The following PRKD1 variants were observed in gnomAD, a reference collection of about 807,000 sequenced individuals.
PRKD1 encodes protein kinase D1.
Under a neutral mutation model 95.9 loss-of-function variants are expected in PRKD1, and 63 were observed. The ratio of observed to expected loss-of-function variants is 0.66; its 90% CI spans 0.54 to 0.81. The LOEUF is 0.81. PRKD1 is among the 30% of genes least tolerant of loss of function. PRKD1 has a pLI of 0.00. For synonymous variants in PRKD1, 425 were observed against 423.1 expected (o/e 1.00, Z -0.05); for missense variants, 1,048 against 1,165.3 (o/e 0.90, Z 1.47).
chr14:29,638,636 A>T (rs1014512350), intron 5 of PRKD1, 58 bp downstream of exon 5: 2 of 1,612,012 alleles, frequency 1.2e-6, no homozygotes, highest in Non-Finnish European at 1.7e-6. Flanking sequence ...ACCAGAAAAT[A>T]CTTATGTCAG....
intron 2 of PRKD1, among the ~76,000 whole-genome samples, chr14:29,712,177 C>T (rs1885364153): frequency 6.6e-6 from 1 of 152,088 alleles, no homozygotes; most frequent in South Asian, 2.1e-4. Flanking sequence ...CACAGTGAAA[C>T]AAAAGGTAGT....
intron 13 of PRKD1, among the ~76,000 whole-genome samples, 183 bp from the exon 14 acceptor site, chr14:29,600,000 T>C (rs1893458256): frequency 6.6e-6 from 1 of 152,192 alleles, no homozygotes; most frequent in South Asian, 2.1e-4. Flanking sequence ...CTCCAAAAAA[T>C]ACATCTTTAC....
At chr14:29,695,061 C>T (rs903530069) in intron 2 of PRKD1, among the ~76,000 whole-genome samples, 1 of 151,872 alleles carries the variant, frequency 6.6e-6, no homozygotes, top group Non-Finnish European at 1.5e-5. Context: ...GGCAAAACCC[C>T]GTCTCTACTA....
At chr14:29,614,260 C>A (rs1878692995) in intron 13 of PRKD1, among the ~76,000 whole-genome samples, 1 of 152,138 alleles carries the variant, frequency 6.6e-6, no homozygotes, top group South Asian at 2.1e-4. Flanking sequence ...GAAATCAATT[C>A]TTTTGCAACT....
At chr14:29,716,280 C>A (rs970510972) in intron 2 of PRKD1, among the ~76,000 whole-genome samples, 2 of 152,120 alleles carry the variant, frequency 1.3e-5, no homozygotes, top group African/African-American at 4.8e-5. Flanking sequence ...TAGGCTAATT[C>A]TGTGTGAAGA....
At chr14:29,695,765 C>T (rs10150918) in intron 2 of PRKD1, among the ~76,000 whole-genome samples, 77,203 of 151,968 alleles carry the variant, frequency 0.51, 21,880 homozygotes, top group African/African-American at 0.77. Flanking sequence ...GAGTTCATCT[C>T]TAGGGAAATA....
rs757043225 is a variant in PRKD1 at position 29,634,484 on chromosome 14, C to T, written c.1248G>A (p.Thr416=). The T allele has an allele frequency of 9.9e-6, 16 of 1,613,848 alleles. No individual in the cohort carries two copies. The highest frequency in any genetic ancestry group is 5.3e-5 in the African/African-American group (4 of 74,866). The change falls in exon 8 of 18, where the codon ACG becomes ACA. Residue 416 remains threonine (T), a synonymous_variant. Transcript: ENST00000331968. Reference sequence around the variant, plus strand: ...TCATGACTGTGCTGCTTTTCCTCTTCGTGTGTTTGACAGACTGCACTACCC... The same window carrying T: ...TCATGACTGTGCTGCTTTTCCTCTTTGTGTGTTTGACAGACTGCACTACCC... ...LMRVVQSVKH[T]KRKSSTVMKE... is the part of the protein sequence containing the mutation.
chr14:29,879,462 T>C (rs1893425602), intron 1 of PRKD1, among the ~76,000 whole-genome samples: 1 of 152,226 alleles, frequency 6.6e-6, no homozygotes, highest in Admixed American at 6.5e-5. Flanking sequence ...GCCATGATTC[T>C]GAGGCTTCCC....
At chr14:29,831,982 A>C (rs899196906) in intron 1 of PRKD1, among the ~76,000 whole-genome samples, 14 of 152,168 alleles carry the variant, frequency 9.2e-5, no homozygotes, top group African/African-American at 3.4e-4. Flanking sequence ...TATCTATCCT[A>C]CTAACATACC....
At chr14:29,889,498 A>T (rs1167432074) in intron 1 of PRKD1, among the ~76,000 whole-genome samples, 1 of 152,202 alleles carries the variant, frequency 6.6e-6, no homozygotes, top group Non-Finnish European at 1.5e-5. Context: ...GTGACTGTCC[A>T]TCAATAATAG....
chr14:29,919,919 C>T (rs376018632), intron 1 of PRKD1, among the ~76,000 whole-genome samples: 2 of 151,176 alleles, frequency 1.3e-5, no homozygotes, highest in East Asian at 3.9e-4. Flanking sequence ...TGAGCTCAGA[C>T]GGTGCCACTG....
chr14:29,576,986 A>C lies in PRKD1; in HGVS notation c.*252T>G. ...GAGACAGGTTTAATGCATTAAATATAACATGAATCATTCACAATAACAAGT... is the reference window on the plus strand; with the variant it reads ...GAGACAGGTTTAATGCATTAAATATCACATGAATCATTCACAATAACAAGT... On this transcript the variant is annotated 3_prime_UTR_variant, in exon 18 of 18. Coordinates refer to ENST00000331968, the MANE Select transcript of PRKD1 (RefSeq NM_002742.3). The C allele has an allele frequency of 1.9e-6, 1 of 525,276 alleles. No homozygotes were observed. The highest frequency in any genetic ancestry group is 1.9e-5 in the African/African-American group (1 of 52,456). The allele number at this position is 525,276 out of a possible 1,614,324, so 32.5% of individuals were successfully genotyped here. A position where few individuals can be genotyped will look rare whatever the true frequency, so the allele number is the denominator to read the frequency against.
chr14:29,591,518 G>A (rs887285290), intron 16 of PRKD1, among the ~76,000 whole-genome samples: 3 of 152,130 alleles, frequency 2.0e-5, no homozygotes, highest in South Asian at 4.2e-4. Context: ...AGTGCAAAAC[G>A]GCAGTTTAAG....
chr14:29,770,674 A>G (rs899599345), intron 1 of PRKD1, among the ~76,000 whole-genome samples: 7 of 152,144 alleles, frequency 4.6e-5, no homozygotes. Flanking sequence ...GGTGAAAGAG[A>G]TATCTAAGGA....
intron 16 of PRKD1, among the ~76,000 whole-genome samples, chr14:29,586,343 C>T (rs1892926726): frequency 6.6e-6 from 1 of 152,088 alleles, no homozygotes; most frequent in Non-Finnish European, 1.5e-5. Flanking sequence ...AAATAATTTC[C>T]CAAATAACTA....
intron 1 of PRKD1, among the ~76,000 whole-genome samples, chr14:29,762,712 G>A (rs981841002): frequency 1.3e-5 from 2 of 152,184 alleles, no homozygotes; most frequent in East Asian, 1.9e-4. Context: ...CCCTATGCCT[G>A]TGGTGGAAAA....
chr14:29,910,822 A>G (rs1043752299), intron 1 of PRKD1, among the ~76,000 whole-genome samples: 2 of 152,174 alleles, frequency 1.3e-5, no homozygotes, highest in African/African-American at 2.4e-5. Context: ...TACTTGTCAC[A>G]AAAATCCAAT....
chr14:29,861,656 G>A (rs1003009002), intron 1 of PRKD1, among the ~76,000 whole-genome samples: 4 of 151,780 alleles, frequency 2.6e-5, no homozygotes, highest in Admixed American at 6.6e-5. Context: ...TTTTGTTTTC[G>A]TTTTTGTTTT....
chr14:29,824,610 T>C (rs1427058037), intron 1 of PRKD1, among the ~76,000 whole-genome samples: 1 of 152,124 alleles, frequency 6.6e-6, no homozygotes, highest in Non-Finnish European at 1.5e-5. Context: ...TGTCAAATGA[T>C]CTTTCAAAAA....
Sources: gnomAD v4.1 joint callset for allele counts (sites outside exome capture counted in the v4.1 genomes callset) on GRCh38, gnomAD v4.1.1 for gene constraint, MANE v1.5 for transcripts, NCBI Gene and HGNC (gene_info 2026-07-23, HGNC 2026-07-21) for gene names.